Variants in NUP98 observed in about 807,000 individuals in gnomAD.
NUP98 encodes the protein nucleoporin 98 and 96 precursor, also known as nuclear pore complex protein Nup98-Nup96.
Under a neutral mutation model 191.9 loss-of-function variants are expected in NUP98, and 26 were observed. The ratio of observed to expected loss-of-function variants is 0.14; its 90% CI spans 0.10 to 0.19. The LOEUF (loss-of-function observed/expected upper bound fraction) is 0.19. NUP98 is among the 10% of genes least tolerant of loss of function. NUP98 has a pLI of 1.00. For missense variants in NUP98, 1,941 were observed against 2,178.8 expected, an observed-to-expected ratio of 0.89 and a Z score of 2.17; for synonymous variants, 808 against 778.4, an observed-to-expected ratio of 1.04 and a Z score of -0.63.
At chr11:3,796,579 G>A (rs1053818373) in intron 1 of NUP98, among the ~76,000 whole-genome samples, 2 of 152,334 alleles carry the variant, frequency 1.3e-5, no homozygotes, top group African/African-American at 4.8e-5. Context: ...ACGCTGTGAA[G>A]ACTACATCTA....
rs186486551 is a variant in NUP98 at position 3,682,144 on chromosome 11, T to C, written c.4918+1056A>G. On this transcript the variant is annotated intron_variant, in intron 30 of 32. Transcript: ENST00000324932. ...TCACCTCTCTCAGCCTTCACAGAAC[T>C]GAAGGGAGGTTAGGCTTTTGCTTAA... 1.2e-3 allele frequency among the ~76,000 whole-genome samples: 177 copies of C among 152,324 alleles called. 2 individuals are homozygous for C. The highest frequency in any genetic ancestry group is 2.1e-4 in the Non-Finnish European group (14 of 68,022).
chr11:3,793,749 T>C (rs993506149), intron 1 of NUP98, among the ~76,000 whole-genome samples: 27 of 152,042 alleles, frequency 1.8e-4, no homozygotes, highest in African/African-American at 5.8e-4. Flanking sequence ...AGCGGGTGGA[T>C]TGCTTGAGGT....
At chr11:3,676,652 AG>A (rs1241501800) in intron 31 of NUP98, 32 bp from the exon 32 acceptor site, 28 of 1,527,038 alleles carry the variant, frequency 1.8e-5, no homozygotes, top group Non-Finnish European at 2.0e-5. Flanking sequence ...AATTAATCCA[AG>A]GGGAGTTCCT....
At chr11:3,767,503 T>C (rs904647991) in intron 8 of NUP98, among the ~76,000 whole-genome samples, 1 of 151,626 alleles carries the variant, frequency 6.6e-6, no homozygotes, top group East Asian at 1.9e-4. Context: ...GGCTAAGTTT[T>C]GTATTTTTAG....
intron 31 of NUP98, among the ~76,000 whole-genome samples, chr11:3,677,483 C>G (rs1361540216): frequency 6.7e-6 from 1 of 148,470 alleles, no homozygotes; most frequent in East Asian, 2.0e-4. Context: ...AATCCTCCTG[C>G]CTCAGCCTCC....
Position 3,735,148 on chromosome 11 carries a change from C to G in NUP98, c.1542+43G>C, listed in dbSNP as rs369059583. On this transcript the variant is annotated intron_variant, in intron 13 of 32. Transcript: ENST00000324932. ...ATTACATTCTGCACATTCAGTTTCT[C>G]TTTCTTTGATATGATATTTTACAGA... The G allele has an allele frequency of 1.1e-5, 16 of 1,500,994 alleles. No individual in the cohort carries two copies. In the African/African-American group the frequency reaches 1.9e-4, roughly 18 times the overall value. The allele number at this position is 1,500,994 out of a possible 1,614,324, so 93.0% of individuals were successfully genotyped here. A position where few individuals can be genotyped will look rare whatever the true frequency, so the allele number is the denominator to read the frequency against.
intron 28 of NUP98, among the ~76,000 whole-genome samples, chr11:3,688,402 T>C (rs890539047): frequency 2.0e-5 from 3 of 151,426 alleles, no homozygotes; most frequent in African/African-American, 7.3e-5. Context: ...CGAGACTCCA[T>C]CTCAAAAAAT....
intron 31 of NUP98, among the ~76,000 whole-genome samples, chr11:3,677,364 G>C (rs944493962): frequency 6.7e-6 from 1 of 150,190 alleles, no homozygotes; most frequent in Non-Finnish European, 1.5e-5. Context: ...AGGGTAAGGA[G>C]AAGAAGCAGA....
chr11:3,723,037 A>C (rs2079462372), intron 16 of NUP98, 120 bp downstream of exon 16: 11 of 849,794 alleles, frequency 1.3e-5, no homozygotes, highest in Non-Finnish European at 1.5e-5. Context: ...CCTATGTGGG[A>C]TCACATAAAA....
chr11:3,753,114 G>A (rs2080826200), intron 11 of NUP98, among the ~76,000 whole-genome samples: 2 of 152,186 alleles, frequency 1.3e-5, no homozygotes, highest in Non-Finnish European at 2.9e-5. Context: ...AGAAAAGGGA[G>A]CATACAGCTT....
chr11:3,751,202 T>C (rs1403418820), intron 11 of NUP98, among the ~76,000 whole-genome samples: 4 of 151,850 alleles, frequency 2.6e-5, no homozygotes, highest in Non-Finnish European at 4.4e-5. Flanking sequence ...CTCCTAAAAA[T>C]ACAAAATTAG....
rs1018440557 is a variant in NUP98 at position 3,723,079 on chromosome 11, A to G, written c.2146+78T>C. ...TTAAAATGCCAAACAGCTGACTTCC[A>G]TATGTTGAATATCTGCAACAAGCAA... On this transcript the variant is annotated intron_variant, in intron 16 of 32. Coordinates refer to ENST00000324932, the MANE Select transcript of NUP98 (RefSeq NM_016320.5). The G allele has an allele frequency of 1.1e-5, 15 of 1,347,024 alleles. No individual in the cohort carries two copies. In the African/African-American group the frequency reaches 1.4e-4, roughly 13 times the overall value. The allele number at this position is 1,347,024 out of a possible 1,614,324, so 83.4% of individuals were successfully genotyped here.
chr11:3,676,683 T>A lies in NUP98; in HGVS notation c.5074-63A>T. On this transcript the variant is annotated intron_variant, in intron 31 of 32. Coordinates refer to ENST00000324932, the MANE Select transcript of NUP98 (RefSeq NM_016320.5). ...GTTCCTATCACTCCAATCCCACCTATAGACTCTACACAAAACCTTGAAACA... is the reference window on the plus strand; with the variant it reads ...GTTCCTATCACTCCAATCCCACCTAAAGACTCTACACAAAACCTTGAAACA... The A allele has an allele frequency of 2.4e-6, 3 of 1,234,990 alleles. No homozygotes were observed. In the East Asian group the frequency reaches 7.0e-5, roughly 29 times the overall value. The allele number at this position is 1,234,990 out of a possible 1,614,324, so 76.5% of individuals were successfully genotyped here. A position where few individuals can be genotyped will look rare whatever the true frequency, so the allele number is the denominator to read the frequency against.
chr11:3,751,187 C>T (rs1306526826), intron 11 of NUP98, among the ~76,000 whole-genome samples: 3 of 151,990 alleles, frequency 2.0e-5, no homozygotes, highest in African/African-American at 4.8e-5. Flanking sequence ...GGAGAAACCC[C>T]GTCTCTCCTA....
At chr11:3,784,653 T>C (rs1198394440) in intron 1 of NUP98, among the ~76,000 whole-genome samples, 4 of 150,074 alleles carry the variant, frequency 2.7e-5, no homozygotes, top group East Asian at 2.0e-4. Flanking sequence ...ACTAGTGAGG[T>C]TGAAGCTAGA....
At chr11:3,712,824 A>G in intron 19 of NUP98, 96 bp from the exon 20 acceptor site, 3 of 1,248,966 alleles carry the variant, frequency 2.4e-6, no homozygotes, top group Non-Finnish European at 3.4e-6. Flanking sequence ...GAAAAAAGAA[A>G]GAAAAGGGGA....
At chr11:3,710,623 AGATGAG>A (rs2079002092) in intron 20 of NUP98, among the ~76,000 whole-genome samples, 1 of 152,198 alleles carries the variant, frequency 6.6e-6, no homozygotes, top group Non-Finnish European at 1.5e-5. Context: ...CTTGACACAG[AGATGAG>A]AAGACTGCTA....
chr11:3,706,684 A>T, intron 20 of NUP98, 57 bp from the exon 21 acceptor site: 15 of 1,447,804 alleles, frequency 1.0e-5, no homozygotes, highest in Non-Finnish European at 1.4e-5. Context: ...ACAGAAATAG[A>T]TTCTAAATCA....
rs71302029 is a variant in NUP98, at chr11:3,778,198, CAAAAAAAAAA to C, written c.355+665_355+674del. 1.6e-3 allele frequency among the ~76,000 whole-genome samples: 94 copies of C among 60,514 alleles called. 3 individuals carry two copies. The Middle Eastern group carries it at 0.033, about 21-fold the overall frequency. 39.7% of individuals were successfully genotyped at this position (60,514 alleles called of 152,430 possible). The stretch of plus-strand genomic sequence containing the variant: ...TGGGTGACAGAGCGAGACTCCATCT[CAAAAAAAAAA>C]AAAAAAAAAAAAGAAAGAAAGAAAA... On this transcript the variant is annotated intron_variant, in intron 4 of 32. Transcript: ENST00000324932.
Sources: gnomAD v4.1 joint callset for allele counts (sites outside exome capture counted in the v4.1 genomes callset) on GRCh38, gnomAD v4.1.1 for gene constraint, MANE v1.5 for transcripts, NCBI Gene and HGNC (gene_info 2026-07-23, HGNC 2026-07-21) for gene names.